RMDN1: variants seen among roughly 807,000 people sequenced by gnomAD.
The protein encoded by RMDN1 is regulator of microtubule dynamics protein 1.
Under a neutral mutation model 48.9 loss-of-function variants are expected in RMDN1, and 48 were observed. The observed-to-expected ratio is 0.98, with a 90% CI of 0.78 to 1.25. The LOEUF is 1.25. RMDN1 is among the 50% of genes most tolerant of loss of function. RMDN1 has a pLI of 0.00. For missense variants in RMDN1, 418 were observed against 373.4 expected, an observed-to-expected ratio of 1.12 and a Z score of -0.98; for synonymous variants, 148 against 132.6, an observed-to-expected ratio of 1.12 and a Z score of -0.80.
chr8:86,508,601 A>G lies in RMDN1; in HGVS notation c.20T>C (p.Leu7Pro). ...ACGTCGGAAAGGCAGAAGGCGCCAC[A>G]GTCGAGCAGCCAGCGCCATGACCTG... MALAAR[L>P]WRLLPFRRGA... is the part of the protein sequence containing the mutation. Residue 7 changes from leucine to proline, a missense_variant, in exon 1 of 10, where the codon CTG becomes CCG. By Grantham distance (98) the Leu-to-Pro change is moderately conservative (BLOSUM62 -3). Transcript: ENST00000406452. 3.1e-6 allele frequency: 5 copies of G among 1,604,056 alleles called. No individual in the cohort carries two copies. The highest frequency in any genetic ancestry group is 4.5e-5 in the East Asian group (2 of 44,476).
intron 2 of RMDN1, chr8:86,494,761 A>C: frequency 4.0e-6 from 1 of 248,862 alleles, no homozygotes; most frequent in Non-Finnish European, 8.1e-6. Flanking sequence ...TGGGCGGATC[A>C]CTTGAGGTTC....
chr8:86,487,259 A>G, intron 3 of RMDN1, among the ~76,000 whole-genome samples: 1 of 152,262 alleles, frequency 6.6e-6, no homozygotes, highest in African/African-American at 2.4e-5. Context: ...ATAATGACAT[A>G]AGAAATGGTT....
At chr8:86,490,250 G>C (rs530440882) in intron 2 of RMDN1, among the ~76,000 whole-genome samples, 11 of 152,268 alleles carry the variant, frequency 7.2e-5, no homozygotes, top group African/African-American at 2.4e-4. Flanking sequence ...TTAATCCCTG[G>C]AATCTGAATG....
chr8:86,503,939 C>A, intron 2 of RMDN1: 3 of 746,848 alleles, frequency 4.0e-6, no homozygotes, highest in Non-Finnish European at 7.5e-6. Context: ...GAAATGCTGA[C>A]CCTGGGCTGC....
chr8:86,508,983 C>T (rs66808088), upstream of RMDN1, among the ~76,000 whole-genome samples: 40,569 of 152,006 alleles, frequency 0.27, 6,342 homozygotes, highest in East Asian at 0.54. Flanking sequence ...CGGAAATAGA[C>T]CCGAGAATAC....
At chr8:86,509,903 CTTTTA>C, upstream of RMDN1, among the ~76,000 whole-genome samples, 1 of 152,112 alleles carries the variant, frequency 6.6e-6, no homozygotes, top group East Asian at 1.9e-4. Context: ...GACAGAATCA[CTTTTA>C]TTTTATGCAT....
intron 8 of RMDN1, among the ~76,000 whole-genome samples, chr8:86,476,480 GGTCTATTTGGTATCATATGCTTAT>G (rs1283013756): frequency 2.0e-5 from 3 of 152,024 alleles, no homozygotes; most frequent in Admixed American, 2.0e-4. Flanking sequence ...TGGTTTTTAT[GGTCTATTTGGTATCATATGCTTAT>G]GTCTCTTATC....
chr8:86,470,116 A>G (rs1424137480), downstream of RMDN1: 1 of 1,244,010 alleles, frequency 8.0e-7, no homozygotes, highest in East Asian at 5.7e-5. Flanking sequence ...CAAAATCAGT[A>G]TTCTACTCAT....
At chr8:86,511,816 C>CAAA (rs1157080564), upstream of RMDN1, among the ~76,000 whole-genome samples, 1 of 50,462 alleles carries the variant, frequency 2.0e-5, no homozygotes. Context: ...ACCTGTCTCT[C>CAAA]AAAAAAAAAA....
In RMDN1 at chr8:86,507,007, C is replaced by T. The variant is rs778449680; in HGVS notation, c.235G>A (p.Ala79Thr). 38 of 1,588,522 alleles carry T rather than the reference C, an allele frequency of 2.4e-5. No individual in the cohort carries two copies. The highest frequency in any genetic ancestry group is 2.9e-5 in the Non-Finnish European group (34 of 1,156,992). Residue 79 changes from alanine (A) to threonine (T), a missense_variant, in exon 2 of 10, where the codon GCC becomes ACC. Coordinates refer to ENST00000406452, the MANE Select transcript of RMDN1 (RefSeq NM_016033.3). ...AATTTATGCTTACCTTTGGCTGTGG[C>T]ATGAACCACAGCAGCCTGAGAGATA... ...QVISQAAVVH[A>T]TAKVEEILEQ...
At chr8:86,469,250 A>G (rs1012615698), downstream of RMDN1, among the ~76,000 whole-genome samples, 1 of 151,148 alleles carries the variant, frequency 6.6e-6, no homozygotes, top group Admixed American at 6.6e-5. Context: ...TCCCCTGATG[A>G]CTTCTGTTAA....
chr8:86,490,607 A>G (rs2130923194), intron 2 of RMDN1, among the ~76,000 whole-genome samples: 1 of 149,348 alleles, frequency 6.7e-6, no homozygotes, highest in Non-Finnish European at 1.5e-5. Context: ...TGGCTTCTGA[A>G]CGGCAAGATA....
intron 7 of RMDN1, chr8:86,478,233 TTAA>T (rs1449634140): frequency 2.0e-5 from 3 of 152,224 alleles, no homozygotes; most frequent in Non-Finnish European, 4.4e-5. Flanking sequence ...GTGCATTATT[TTAA>T]TAATATTTCT....
chr8:86,514,218 A>G, intron 1 of RMDN1: 2 of 975,634 alleles, frequency 2.0e-6, no homozygotes, highest in East Asian at 2.3e-4. Flanking sequence ...TAAGGAATTT[A>G]TTTTGGTGCA....
chr8:86,471,560 C>T (rs890118261), downstream of RMDN1, among the ~76,000 whole-genome samples: 2 of 151,822 alleles, frequency 1.3e-5, no homozygotes, highest in African/African-American at 2.4e-5. Context: ...TGGCTAAAAT[C>T]AGGAAAAAAA....
chr8:86,510,129 TG>T (rs968030489), upstream of RMDN1, among the ~76,000 whole-genome samples: 3 of 152,206 alleles, frequency 2.0e-5, no homozygotes, highest in Non-Finnish European at 4.4e-5. Context: ...TTCTCACATT[TG>T]CTTTATCTTT....
chr8:86,490,217 T>A (rs915236113), intron 2 of RMDN1, among the ~76,000 whole-genome samples: 1 of 152,218 alleles, frequency 6.6e-6, no homozygotes, highest in Non-Finnish European at 1.5e-5. Flanking sequence ...GGTAGAATAA[T>A]GGCCCCCAAA....
intron 2 of RMDN1, among the ~76,000 whole-genome samples, chr8:86,488,999 G>C (rs1815987142): frequency 6.6e-6 from 1 of 152,174 alleles, no homozygotes; most frequent in Admixed American, 6.5e-5. Context: ...TATCTGTGTT[G>C]GGCCAGATTC....
intron 2 of RMDN1, among the ~76,000 whole-genome samples, chr8:86,491,671 CAT>C (rs561133716): frequency 1.2e-3 from 176 of 152,202 alleles, no homozygotes; most frequent in African/African-American, 4.0e-3. Context: ...GATGAAATGA[CAT>C]GTTAATTCAC....
Sources: allele counts gnomAD v4.1 joint callset (sites outside exome capture counted in the v4.1 genomes callset), GRCh38; gene constraint gnomAD v4.1.1; transcripts MANE v1.5; gene names NCBI Gene and HGNC (gene_info 2026-07-23, HGNC 2026-07-21).